The following WDFY3 variants were observed in gnomAD, a reference collection of about 807,000 sequenced individuals.
WDFY3 encodes WD repeat and FYVE domain containing 3, also known as WD repeat and FYVE domain-containing protein 3.
In WDFY3, 66 loss-of-function variants were observed where a neutral mutation model predicts 409.6. The ratio of observed to expected loss-of-function variants is 0.16; its 90% CI spans 0.13 to 0.20. The LOEUF is 0.20. Ranked by LOEUF, WDFY3 falls within the 10% of genes least tolerant of loss-of-function variation. The pLI is 1.00. For missense variants in WDFY3, 3,031 were observed against 4,298.1 expected, an observed-to-expected ratio of 0.71 and a Z score of 8.24; for synonymous variants, 1,521 against 1,537.1, an observed-to-expected ratio of 0.99 and a Z score of 0.25.
Position 84,684,097 on chromosome 4 carries a change from T to C in WDFY3, c.9572A>G (p.Tyr3191Cys), listed in dbSNP as rs1727887280. The change falls in exon 63 of 68, where the codon TAT (tyrosine) becomes TGT (cysteine). Residue 3191 changes from tyrosine (Y) to cysteine (C), a missense_variant. Around this residue, in one of 16 missense-constraint regions of WDFY3, gnomAD observed 378 missense variants for 477.3 expected, o/e 0.79. Coordinates refer to ENST00000295888, the MANE Select transcript of WDFY3 (RefSeq NM_014991.6). ...TGDIVSCAGT[Y>C]IHVWSINGNP... ...CCCATTGATGCTCCACACATGGATA[T>C]ATGTGCCAGCGCAGGACACAATGTC... 9 of 1,604,932 alleles carry C rather than the reference T, an allele frequency of 5.6e-6. No individual in the cohort carries two copies. The highest frequency in any genetic ancestry group is 6.8e-6 in the Non-Finnish European group (8 of 1,172,458).
chr4:84,692,715 A>G (rs1307229459), intron 59 of WDFY3, among the ~76,000 whole-genome samples, 170 bp downstream of exon 59: 1 of 152,196 alleles, frequency 6.6e-6, no homozygotes, highest in Non-Finnish European at 1.5e-5. Flanking sequence ...AAAAAAAAGC[A>G]AAAAGAGAAA....
At chr4:84,784,891 T>TATACACACACACACAC (rs1238884117) in intron 24 of WDFY3, among the ~76,000 whole-genome samples, 1 of 36,916 alleles carries the variant, frequency 2.7e-5, no homozygotes, top group African/African-American at 7.7e-5. Flanking sequence ...TATATATATA[T>TATACACACACACACAC]ACACACACAC....
intron 43 of WDFY3, among the ~76,000 whole-genome samples, chr4:84,733,894 A>C (rs1352622697): frequency 6.6e-6 from 1 of 152,172 alleles, no homozygotes; most frequent in Non-Finnish European, 1.5e-5. Context: ...TGGCACAGGA[A>C]AGATGGTAAT....
rs878891235 is a variant in WDFY3, at chr4:84,755,383, A to T, written c.5442T>A (p.Ile1814=). ...CAGGAACTCCAAAGATGAATGTCCAAATGGAATCCAAATCAAACTGCAGAG... is the reference window on the plus strand; with the variant it reads ...CAGGAACTCCAAAGATGAATGTCCATATGGAATCCAAATCAAACTGCAGAG... ...KQGCQFDLDS[I]WTFIFGVPAS... is the part of the protein sequence containing the mutation. Residue 1814 remains isoleucine, a synonymous_variant, in exon 34 of 68, where the codon ATT becomes ATA. Coordinates refer to ENST00000295888, the MANE Select transcript of WDFY3 (RefSeq NM_014991.6). 2 of 1,608,800 alleles carry T rather than the reference A, an allele frequency of 1.2e-6. No individual in the cohort carries two copies. The highest frequency in any genetic ancestry group is 1.7e-6 in the Non-Finnish European group (2 of 1,178,894).
At chr4:84,702,281 C>G in intron 56 of WDFY3, 72 bp downstream of exon 56, 1 of 1,456,488 alleles carries the variant, frequency 6.9e-7, no homozygotes, top group Middle Eastern at 1.8e-4. Context: ...AGACAATCTT[C>G]AGAGAAGTGA....
In WDFY3 at chr4:84,800,666, C is replaced by T. The variant is rs143872974; in HGVS notation, c.2822+984G>A. Among the ~76,000 whole-genome samples, 56 of 152,138 alleles carry T rather than the reference C, an allele frequency of 3.7e-4. 1 individual carries two copies. In the East Asian group the frequency reaches 0.01, roughly 28 times the overall value. ...ACCCAACCTTTTTGGCATCAGGGAG[C>T]GGTTTTGTGGAAGACAATTTTTTCA... On this transcript the variant is annotated intron_variant, in intron 17 of 67. Coordinates refer to ENST00000295888, the MANE Select transcript of WDFY3 (RefSeq NM_014991.6).
At chr4:84,735,998 T>C (rs1363881133) in intron 42 of WDFY3, among the ~76,000 whole-genome samples, 172 bp downstream of exon 42, 1 of 152,156 alleles carries the variant, frequency 6.6e-6, no homozygotes, top group Non-Finnish European at 1.5e-5. Flanking sequence ...ATAGCACTCA[T>C]ATATAGTTTT....
intron 1 of WDFY3, among the ~76,000 whole-genome samples, chr4:84,958,470 G>C (rs562840675): frequency 6.6e-6 from 1 of 152,174 alleles, no homozygotes; most frequent in African/African-American, 2.4e-5. Flanking sequence ...CTCAGCCTAG[G>C]GTGGAGAGAC....
chr4:84,791,590 GA>G (rs2149552542), intron 21 of WDFY3, among the ~76,000 whole-genome samples: 1 of 152,236 alleles, frequency 6.6e-6, no homozygotes, highest in African/African-American at 2.4e-5. Context: ...GTATGGGTTA[GA>G]AAAAGAACCG....
intron 4 of WDFY3, among the ~76,000 whole-genome samples, chr4:84,859,610 T>C (rs923811970): frequency 2.6e-5 from 4 of 152,172 alleles, no homozygotes; most frequent in African/African-American, 9.7e-5. Context: ...AGTTTCACTC[T>C]TGTCGCCCAG....
chr4:84,850,928 G>GTTTTTTTT lies in WDFY3; in HGVS notation c.181-911_181-904dup, dbSNP rs869074191. Among the ~76,000 whole-genome samples, 40 of 46,232 alleles carry GTTTTTTTT rather than the reference G, an allele frequency of 8.7e-4. 2 individuals carry two copies. The highest frequency in any genetic ancestry group is 1.0e-3 in the Non-Finnish European group (26 of 25,862). 30.3% of individuals were successfully genotyped at this position (46,232 alleles called of 152,430 possible). On this transcript the variant is annotated intron_variant, in intron 4 of 67. Transcript: ENST00000295888. ...TTCTTATTTTTAATTTTATTTATCT[G>GTTTTTTTT]TTTTTTTTTTTTTTTTTTTTTTTTT...
intron 5 of WDFY3, among the ~76,000 whole-genome samples, chr4:84,845,096 T>C (rs779558068): frequency 3.5e-4 from 53 of 152,192 alleles, no homozygotes; most frequent in Non-Finnish European, 6.6e-4. Flanking sequence ...CTACAGCCCA[T>C]ATCTCAAGTA....
At chr4:84,766,445 A>G (rs1743652907) in intron 30 of WDFY3, 73 bp from the exon 31 acceptor site, 5 of 1,403,828 alleles carry the variant, frequency 3.6e-6, no homozygotes, top group Middle Eastern at 1.9e-4. Context: ...TAGTTCTTGG[A>G]AAGTTTACTG....
intron 61 of WDFY3, among the ~76,000 whole-genome samples, chr4:84,689,845 G>C (rs1483467213): frequency 1.3e-5 from 2 of 151,910 alleles, no homozygotes; most frequent in Admixed American, 6.6e-5. Context: ...ATTGATAAGT[G>C]GTATTGTTAC....
intron 46 of WDFY3, among the ~76,000 whole-genome samples, chr4:84,723,120 T>C (rs1482600720): frequency 1.3e-5 from 2 of 152,234 alleles, no homozygotes; most frequent in Admixed American, 1.3e-4. Context: ...TACCTTGGCT[T>C]GTATCCAGCA....
rs776840149 is a variant in WDFY3, at chr4:84,684,030, C to A, written c.9639G>T (p.Gln3213His). 17 of 1,613,762 alleles carry A rather than the reference C, an allele frequency of 1.1e-5. No homozygotes were observed. Residue 3213 changes from glutamine to histidine, a missense_variant, in exon 63 of 68, where the codon CAG (glutamine) becomes CAT (histidine). Coordinates refer to ENST00000295888, the MANE Select transcript of WDFY3 (RefSeq NM_014991.6). ...VSVNTFTGRSQQIICCCMSEM... is the reference protein window; with the variant it reads ...VSVNTFTGRSHQIICCCMSEM... ...CCGACATGCAGCAGCAGATGATCTG[C>A]TGGCTCCTACCTGTGAACGTGTTGA... is the stretch of plus-strand genomic sequence containing the variant.
intron 12 of WDFY3, among the ~76,000 whole-genome samples, chr4:84,818,010 T>C (rs182289662): frequency 4.6e-5 from 7 of 152,230 alleles, no homozygotes; most frequent in South Asian, 2.1e-4. Context: ...TATTCCACCA[T>C]GGGAAAAATT....
At chr4:84,901,200 T>C (rs1766292549) in intron 2 of WDFY3, among the ~76,000 whole-genome samples, 1 of 152,214 alleles carries the variant, frequency 6.6e-6, no homozygotes, top group South Asian at 2.1e-4. Flanking sequence ...GCTCTACCTC[T>C]TAATGCCATC....
chr4:84,960,804 A>G (rs922466436), intron 1 of WDFY3, among the ~76,000 whole-genome samples: 1 of 152,180 alleles, frequency 6.6e-6, no homozygotes, highest in African/African-American at 2.4e-5. Context: ...GTTTTATTTC[A>G]TATCATCTTC....
Sources: gnomAD v4.1 joint callset for allele counts (sites outside exome capture counted in the v4.1 genomes callset) on GRCh38, gnomAD v4.1.1 for gene constraint, gnomAD v4.1.1 regional missense constraint, MANE v1.5 for transcripts, NCBI Gene and HGNC (gene_info 2026-07-23, HGNC 2026-07-21) for gene names.